The following TWNK variants were observed in gnomAD, a reference collection of about 807,000 sequenced individuals.
The protein encoded by TWNK is T7 gp4-like protein with intramitochondrial nucleoid localization.
In TWNK, 36 loss-of-function variants were observed where a neutral mutation model predicts 58.2. The ratio of observed to expected loss-of-function variants is 0.62; its 90% confidence interval spans 0.47 to 0.82. TWNK has a LOEUF of 0.82. Ranked by LOEUF, TWNK falls within the 40% of genes least tolerant of loss-of-function variation. The pLI, the probability that TWNK is intolerant of heterozygous loss-of-function variation, is 0.00. For synonymous variants in TWNK, 349 were observed against 348.5 expected, an observed-to-expected ratio of 1.00 and a Z score of -0.02; for missense variants, 714 against 881.0, an observed-to-expected ratio of 0.81 and a Z score of 2.40.
chr10:100,989,371 A>T lies in TWNK; in HGVS notation c.1161A>T (p.Ala387=). 3 of 1,614,240 alleles carry T rather than the reference A, an allele frequency of 1.9e-6. No homozygotes were observed. Among genetic ancestry groups the T allele is most frequent in the Non-Finnish European group, 2.5e-6 (3 of 1,180,050 alleles). ...GAGAACTGTCAAATGTGGAGCAAGC[A>T]GCTGGCCTCCGCTGGAGCCGCTTTC... ...VLGELSNVEQ[A]AGLRWSRFPD... Residue 387 remains alanine, a synonymous_variant, in exon 1 of 5, where the codon GCA becomes GCT. Coordinates refer to ENST00000311916, the MANE Select transcript of TWNK (RefSeq NM_021830.5). This position sits in a 1 kb window ranked among gnomAD's most constrained non-coding sequence, Gnocchi z 7.6.
Position 100,994,208 on chromosome 10 carries a change from C to T in TWNK, c.*698C>T, listed in dbSNP as rs1208615525. On this transcript the variant is annotated 3_prime_UTR_variant, in exon 5 of 5. Coordinates refer to ENST00000311916, the MANE Select transcript of TWNK (RefSeq NM_021830.5). ...CTAGAATTGGATCCTAGGTGCTTAG[C>T]CCTGCAATATCAGGGCCTCACTGGT... is the stretch of plus-strand genomic sequence containing the variant. The T allele has an allele frequency of 1.3e-5, 2 of 152,822 alleles. No homozygotes were observed. The highest frequency in any genetic ancestry group is 2.9e-5 in the Non-Finnish European group (2 of 68,576). 9.5% of individuals were successfully genotyped at this position (152,822 alleles called of 1,614,324 possible). A position where few individuals can be genotyped will look rare whatever the true frequency, so the allele number is the denominator to read the frequency against.
rs1426435572 is a variant in TWNK, at chr10:100,993,361, G to A, written c.1906G>A (p.Ala636Thr). 37 of 1,614,128 alleles carry A rather than the reference G, an allele frequency of 2.3e-5. No individual in the cohort carries two copies. The highest frequency in any genetic ancestry group is 3.1e-5 in the Non-Finnish European group (36 of 1,180,034). Residue 636 changes from alanine (A) to threonine (T), a missense_variant, in exon 5 of 5, where the codon GCC becomes ACC. By Grantham distance (58) the Ala-to-Thr change is moderately conservative. Coordinates refer to ENST00000311916, the MANE Select transcript of TWNK (RefSeq NM_021830.5). Reference protein sequence around the residue: ...LTFSIPPKNKARLKKIKDDTG... With the variant: ...LTFSIPPKNKTRLKKIKDDTG... The stretch of plus-strand genomic sequence containing the variant: ...CTTCTCCATTCCACCAAAGAACAAG[G>A]CCCGGCTCAAGAAGATCAAGGATGA...
At position 100,989,995 on chromosome 10, in the gene TWNK, G is replaced by A; in HGVS notation, c.1484+111G>A. 1 of 1,458,066 alleles carries A rather than the reference G, an allele frequency of 6.9e-7. No homozygotes were observed. The highest frequency in any genetic ancestry group is 1.1e-5 in the South Asian group (1 of 87,350). The allele number at this position is 1,458,066 out of a possible 1,614,324, so 90.3% of individuals were successfully genotyped here. A position where few individuals can be genotyped will look rare whatever the true frequency, so the allele number is the denominator to read the frequency against. ...GGAACTCCCCCATCTCCTTAGGTTT[G>A]GAGTTTTTCAAAGAATGAGAGGGCA... On this transcript the variant is annotated intron_variant, in intron 2 of 4. Coordinates refer to ENST00000311916, the MANE Select transcript of TWNK (RefSeq NM_021830.5). This position sits in a 1 kb window ranked among gnomAD's most constrained non-coding sequence, Gnocchi z 7.6.
intron 4 of TWNK, 61 bp from the exon 5 acceptor site, chr10:100,993,129 C>T (rs1164962144): frequency 6.4e-7 from 1 of 1,564,706 alleles, no homozygotes; most frequent in Non-Finnish European, 8.8e-7. Flanking sequence ...GTCAGCCCCC[C>T]TTTCTGCTTT....
Position 100,990,503 on chromosome 10 carries a change from C to G in TWNK, c.1552C>G (p.Leu518Val). The part of the protein sequence containing the change: ...YDICHVIIDN[L>V]QFMMGHEQLS... ...CATTTGTCATGTGATCATCGACAAC[C>G]TGCAGTTCATGATGGGTCACGAGCA... The change falls in exon 3 of 5, where the codon CTG (leucine) becomes GTG (valine). Residue 518 changes from leucine to valine, a missense_variant. Leu to Val is a conservative substitution (Grantham distance 32). This residue lies in a region of TWNK where 302 missense variants were observed against 438.6 expected (regional missense o/e 0.69). Coordinates refer to ENST00000311916, the MANE Select transcript of TWNK (RefSeq NM_021830.5). 1.2e-6 allele frequency: 2 copies of G among 1,614,210 alleles called. No homozygotes were observed. The highest frequency in any genetic ancestry group is 8.5e-7 in the Non-Finnish European group (1 of 1,180,024).
Position 100,989,576 on chromosome 10 carries a change from C to T in TWNK, c.1244-68C>T, listed in dbSNP as rs1003768697. The stretch of plus-strand genomic sequence containing the variant: ...GGCCCTTTCCCCCCAGTTTTAAAGC[C>T]CTGACCTATGTCTTGGTTTCAAGGG... On this transcript the variant is annotated intron_variant, in intron 1 of 4. Coordinates refer to ENST00000311916, the MANE Select transcript of TWNK (RefSeq NM_021830.5). The surrounding 1 kb of genome is among the most constrained non-coding windows in gnomAD (Gnocchi z 7.6). The T allele has an allele frequency of 5.6e-6, 9 of 1,612,100 alleles. No individual in the cohort carries two copies. In the South Asian group the frequency reaches 9.9e-5, roughly 18 times the overall value.
intron 4 of TWNK, among the ~76,000 whole-genome samples, chr10:100,992,655 C>G (rs1476676482): frequency 1.3e-5 from 2 of 151,658 alleles, no homozygotes; most frequent in South Asian, 2.1e-4. Flanking sequence ...GAGGGAACAG[C>G]ACAGGCAGCG....
rs1317107859 is a variant in TWNK at position 100,993,818 on chromosome 10, T to C, written c.*308T>C. 4.6e-6 allele frequency: 2 copies of C among 431,098 alleles called. No individual in the cohort carries two copies. Among genetic ancestry groups the C allele is most frequent in the South Asian group, 2.6e-5 (1 of 37,924 alleles). 26.7% of individuals were successfully genotyped at this position (431,098 alleles called of 1,614,324 possible). ...AACAAATTAGCAGAAAACCTAGTTTTAGTGAAAAATGCTGTAAAGAAAATA... is the reference window on the plus strand; with the variant it reads ...AACAAATTAGCAGAAAACCTAGTTTCAGTGAAAAATGCTGTAAAGAAAATA... On this transcript the variant is annotated 3_prime_UTR_variant, in exon 5 of 5. Coordinates refer to ENST00000311916, the MANE Select transcript of TWNK (RefSeq NM_021830.5).
chr10:100,992,406 G>A (rs529302477), intron 4 of TWNK, among the ~76,000 whole-genome samples: 1 of 150,292 alleles, frequency 6.7e-6, no homozygotes, highest in South Asian at 2.1e-4. Context: ...TAGTAGATAC[G>A]GAGTTTCACC....
chr10:100,989,912 G>A lies in TWNK; in HGVS notation c.1484+28G>A. 2 of 1,614,066 alleles carry A rather than the reference G, an allele frequency of 1.2e-6. No individual in the cohort carries two copies. Among genetic ancestry groups the A allele is most frequent in the Non-Finnish European group, 1.7e-6 (2 of 1,179,982 alleles). ...GAGACTCCCAGATTCCAGCCACCTT[G>A]CTTTCCCAGACATATCCCAGCACTC... On this transcript the variant is annotated intron_variant, in intron 2 of 4. Coordinates refer to ENST00000311916, the MANE Select transcript of TWNK (RefSeq NM_021830.5). The surrounding 1 kb of genome is among the most constrained non-coding windows in gnomAD (Gnocchi z 7.6).
chr10:100,988,814 C>G lies in TWNK; in HGVS notation c.604C>G (p.Arg202Gly), dbSNP rs761860054. ...CAGTGTGCGATATCTGCGACCTGCTCGCAGTCTTGTCTTCCCTTGGTTCTC... is the reference window on the plus strand; with the variant it reads ...CAGTGTGCGATATCTGCGACCTGCTGGCAGTCTTGTCTTCCCTTGGTTCTC... ...RFSVRYLRPA[R>G]SLVFPWFSPG... The change falls in exon 1 of 5, where the codon CGC becomes GGC. Residue 202 changes from arginine to glycine, a missense_variant. This residue lies in a region of TWNK where 348 missense variants were observed against 388.4 expected (regional missense o/e 0.90). Coordinates refer to ENST00000311916, the MANE Select transcript of TWNK (RefSeq NM_021830.5). The surrounding 1 kb of genome is among the most constrained non-coding windows in gnomAD (Gnocchi z 5.2). The G allele has an allele frequency of 4.3e-6, 7 of 1,614,104 alleles. No individual in the cohort carries two copies. The highest frequency in any genetic ancestry group is 4.2e-6 in the Non-Finnish European group (5 of 1,180,046).
Position 100,987,563 on chromosome 10 carries a change from T to C in TWNK, c.-648T>C. 3 of 1,414,244 alleles carry C rather than the reference T, an allele frequency of 2.1e-6. No homozygotes were observed. Among genetic ancestry groups the C allele is most frequent in the African/African-American group, 1.4e-5 (1 of 69,942 alleles). The allele number at this position is 1,414,244 out of a possible 1,614,324, so 87.6% of individuals were successfully genotyped here. ...GTTTTGCTTCCGAGGTCAAGGCGAGTAGCATGTGCGGGAGACTCACGTTGC... is the reference window on the plus strand; with the variant it reads ...GTTTTGCTTCCGAGGTCAAGGCGAGCAGCATGTGCGGGAGACTCACGTTGC... On this transcript the variant is annotated 5_prime_UTR_variant, in exon 1 of 5. Coordinates refer to ENST00000311916, the MANE Select transcript of TWNK (RefSeq NM_021830.5).
Position 100,994,007 on chromosome 10 carries a change from A to G in TWNK, c.*497A>G. Reference sequence around the variant, plus strand: ...GAGAGAAAAGGAAATCCAAGCCCTGAGGTAGGAATGAGCAGGTCAGATTCA... The same window carrying G: ...GAGAGAAAAGGAAATCCAAGCCCTGGGGTAGGAATGAGCAGGTCAGATTCA... On this transcript the variant is annotated 3_prime_UTR_variant, in exon 5 of 5. Coordinates refer to ENST00000311916, the MANE Select transcript of TWNK (RefSeq NM_021830.5). The G allele has an allele frequency of 5.5e-6, 1 of 180,884 alleles. No homozygotes were observed. Among genetic ancestry groups the G allele is most frequent in the Non-Finnish European group, 1.2e-5 (1 of 84,264 alleles). 11.2% of individuals were successfully genotyped at this position (180,884 alleles called of 1,614,324 possible).
chr10:100,990,412 A>G (rs769023529), intron 2 of TWNK, 24 bp from the exon 3 acceptor site: 1 of 1,592,078 alleles, frequency 6.3e-7, no homozygotes, highest in South Asian at 1.1e-5. Flanking sequence ...AACTTGTCAA[A>G]TTCCTTGCCT....
intron 4 of TWNK, among the ~76,000 whole-genome samples, chr10:100,992,872 C>T (rs1033018400): frequency 1.3e-5 from 2 of 151,980 alleles, no homozygotes; most frequent in Non-Finnish European, 1.5e-5. Flanking sequence ...CTGCAACCTC[C>T]GCCTCCCGGA....
rs747714427 is a variant in TWNK, at chr10:100,989,147, C to T, written c.937C>T (p.Arg313Trp). The T allele has an allele frequency of 1.2e-5, 19 of 1,612,142 alleles. No individual in the cohort carries two copies. The highest frequency in any genetic ancestry group is 1.7e-4 in the Middle Eastern group (1 of 6,056). Reference protein sequence around the residue: ...RIVFWLGDDLRSWEAAKLFAR... With the variant: ...RIVFWLGDDLWSWEAAKLFAR... Reference sequence around the variant, plus strand: ...TGTATTCTGGTTGGGGGATGACCTTCGGTCCTGGGAAGCCGCCAAGTTGTT... The same window carrying T: ...TGTATTCTGGTTGGGGGATGACCTTTGGTCCTGGGAAGCCGCCAAGTTGTT... Residue 313 changes from arginine (R) to tryptophan (W), a missense_variant, in exon 1 of 5, where the codon CGG becomes TGG. Physicochemically the swap from Arg to Trp is moderately radical, Grantham distance 101. Around this residue, in one of 3 missense-constraint regions of TWNK, gnomAD observed 302 missense variants for 438.6 expected, o/e 0.69. Coordinates refer to ENST00000311916, the MANE Select transcript of TWNK (RefSeq NM_021830.5). The surrounding 1 kb of genome is among the most constrained non-coding windows in gnomAD (Gnocchi z 7.6).
intron 4 of TWNK, 49 bp downstream of exon 4, chr10:100,991,059 G>A (rs934362888): frequency 3.7e-6 from 6 of 1,612,270 alleles, no homozygotes; most frequent in Non-Finnish European, 5.1e-6. Flanking sequence ...GAGTGGGTAG[G>A]TGTGACCAGG....
At position 100,988,295 on chromosome 10, in the gene TWNK, C is replaced by G. The variant is rs1292672301; in HGVS notation, c.85C>G (p.Arg29Gly). 3.1e-6 allele frequency: 5 copies of G among 1,614,064 alleles called. No homozygotes were observed. The East Asian group carries it at 6.7e-5, about 22-fold the overall frequency. ...GTGGATGGGTCGGAGGGGCCTGCCC[C>G]GAAACTTGGCCCCAGGCCCTCCTCG... ...GEWMGRRGLP[R>G]NLAPGPPRRR... Residue 29 changes from arginine (R) to glycine (G), a missense_variant, in exon 1 of 5, where the codon CGA becomes GGA. Arg to Gly is a moderately radical substitution (Grantham distance 125). Coordinates refer to ENST00000311916, the MANE Select transcript of TWNK (RefSeq NM_021830.5). The surrounding 1 kb of genome is among the most constrained non-coding windows in gnomAD (Gnocchi z 5.2).
At chr10:100,991,352 G>A in intron 4 of TWNK, 2 of 376,186 alleles carry the variant, frequency 5.3e-6, no homozygotes, top group Non-Finnish European at 1.0e-5. Flanking sequence ...GAGACTTCCA[G>A]AGGAGGTGAC....
Sources: allele counts gnomAD v4.1 joint callset (sites outside exome capture counted in the v4.1 genomes callset), GRCh38; gene constraint gnomAD v4.1.1; regional missense constraint gnomAD v4.1.1; non-coding constraint Gnocchi (gnomAD v3.1); transcripts MANE v1.5; gene names NCBI Gene and HGNC (gene_info 2026-07-23, HGNC 2026-07-21).